Variants in ADGRL3 observed in about 807,000 individuals in gnomAD.
ADGRL3 encodes adhesion G protein-coupled receptor L3.
A neutral mutation model predicts 153.5 loss-of-function variants in ADGRL3; 62 were observed. That is an observed-to-expected ratio of 0.40 (90% CI 0.33 to 0.50). The LOEUF (loss-of-function observed/expected upper bound fraction) is 0.50, where lower values mean the gene tolerates loss of function less well. Ranked by LOEUF, ADGRL3 falls within the 20% of genes least tolerant of loss-of-function variation. The probability of loss-of-function intolerance (pLI) is 0.47; values close to 1 mark genes in which losing one functional copy is unlikely to be tolerated. For synonymous variants in ADGRL3, 710 were observed against 672.5 expected (o/e 1.06, Z -0.86); for missense variants, 1,641 against 1,859.4 (o/e 0.88, Z 2.16).
chr4:61,266,881 G>A (rs1028125336), intron 1 of ADGRL3, among the ~76,000 whole-genome samples: 2 of 151,594 alleles, frequency 1.3e-5, no homozygotes, highest in African/African-American at 4.8e-5. Context: ...TAAGGTAGTG[G>A]AGAGTTCAAA....
At chr4:61,756,494 G>A (rs1325798699) in intron 8 of ADGRL3, among the ~76,000 whole-genome samples, 1 of 152,152 alleles carries the variant, frequency 6.6e-6, no homozygotes, top group Admixed American at 6.5e-5. Context: ...TGCTGAAGTT[G>A]CCTATCAACT....
At chr4:61,834,481 A>G (rs1223423497) in intron 9 of ADGRL3, among the ~76,000 whole-genome samples, 2 of 152,200 alleles carry the variant, frequency 1.3e-5, no homozygotes, top group Non-Finnish European at 2.9e-5. Flanking sequence ...ACCCAGTAAC[A>G]GGATGGCTGG....
chr4:61,996,958 T>C (rs1473877443), intron 20 of ADGRL3, among the ~76,000 whole-genome samples: 1 of 151,904 alleles, frequency 6.6e-6, no homozygotes, highest in African/African-American at 2.4e-5. Context: ...ATTGCTTATG[T>C]ACTTATAATT....
intron 8 of ADGRL3, among the ~76,000 whole-genome samples, chr4:61,761,223 G>A (rs148451799): frequency 0.02 from 3,102 of 152,272 alleles, 71 homozygotes; most frequent in East Asian, 0.076. Flanking sequence ...TAAACTTGTG[G>A]CTAATTTGTT....
At chr4:61,766,986 G>C (rs1227780601) in intron 8 of ADGRL3, among the ~76,000 whole-genome samples, 1 of 152,042 alleles carries the variant, frequency 6.6e-6, no homozygotes, top group East Asian at 1.9e-4. Context: ...AGGCCATGCT[G>C]TAGCAGGCGA....
intron 25 of ADGRL3, among the ~76,000 whole-genome samples, chr4:62,056,373 A>T (rs901440844): frequency 6.6e-6 from 1 of 151,928 alleles, no homozygotes; most frequent in African/African-American, 2.4e-5. Context: ...TTATTCCTTT[A>T]TACCAGTTTT....
chr4:61,358,885 A>G (rs569301315), intron 1 of ADGRL3, among the ~76,000 whole-genome samples: 12 of 152,250 alleles, frequency 7.9e-5, no homozygotes, highest in African/African-American at 2.4e-4. Flanking sequence ...TCTAGCCCAA[A>G]TGTTCCACTC....
chr4:61,516,122 T>C (rs975485153), intron 3 of ADGRL3, among the ~76,000 whole-genome samples: 1 of 152,138 alleles, frequency 6.6e-6, no homozygotes. Context: ...ACATATTTCT[T>C]AATATGATTT....
chr4:61,514,198 A>G (rs1262283933), intron 3 of ADGRL3, among the ~76,000 whole-genome samples: 1 of 152,166 alleles, frequency 6.6e-6, no homozygotes, highest in Non-Finnish European at 1.5e-5. Flanking sequence ...TCCTTGACCT[A>G]AGGAAACTAG....
chr4:61,397,767 A>G (rs561348700), intron 2 of ADGRL3, among the ~76,000 whole-genome samples: 2 of 151,946 alleles, frequency 1.3e-5, no homozygotes, highest in East Asian at 3.9e-4. Context: ...TGCAAAGGGT[A>G]TGTTGAACCT....
intron 9 of ADGRL3, among the ~76,000 whole-genome samples, chr4:61,889,257 CAGTT>C (rs2098556312): frequency 6.6e-6 from 1 of 152,182 alleles, no homozygotes; most frequent in Non-Finnish European, 1.5e-5. Context: ...GGATAAATAG[CAGTT>C]AGTTAGCCAG....
At chr4:61,702,992 T>G (rs57384198) in intron 6 of ADGRL3, among the ~76,000 whole-genome samples, 4,119 of 152,238 alleles carry the variant, frequency 0.027, 190 homozygotes, top group African/African-American at 0.094. Flanking sequence ...GAATCTTGCT[T>G]GTGTCTTAAT....
intron 1 of ADGRL3, among the ~76,000 whole-genome samples, chr4:61,239,896 A>G (rs1394879551): frequency 6.6e-6 from 1 of 152,150 alleles, no homozygotes; most frequent in East Asian, 1.9e-4. Context: ...TAAGTTCATC[A>G]ACCTAAATGT....
chr4:61,837,279 GAC>G (rs969937578), intron 9 of ADGRL3, among the ~76,000 whole-genome samples: 1 of 152,056 alleles, frequency 6.6e-6, no homozygotes, highest in Non-Finnish European at 1.5e-5. Context: ...ACTGACAAAA[GAC>G]AGATTAACAG....
intron 8 of ADGRL3, among the ~76,000 whole-genome samples, chr4:61,754,707 G>A (rs1263939532): frequency 5.3e-5 from 8 of 152,032 alleles, no homozygotes. Flanking sequence ...CCATGTTGGT[G>A]CGCTGCACCC....
chr4:61,234,633 A>G (rs1423568037), intron 1 of ADGRL3, among the ~76,000 whole-genome samples: 1 of 152,188 alleles, frequency 6.6e-6, no homozygotes, highest in African/African-American at 2.4e-5. Flanking sequence ...ATAGTCAGTG[A>G]GCCTGGAGGG....
intron 2 of ADGRL3, among the ~76,000 whole-genome samples, chr4:61,487,260 A>G (rs933197730): frequency 6.6e-6 from 1 of 152,144 alleles, no homozygotes; most frequent in African/African-American, 2.4e-5. Flanking sequence ...ACTTTTAACT[A>G]TGTGGCCTCA....
intron 2 of ADGRL3, among the ~76,000 whole-genome samples, chr4:61,455,698 G>T (rs1416737468): frequency 2.0e-5 from 3 of 151,852 alleles, no homozygotes. Flanking sequence ...AATATTTATA[G>T]ATGTAATAAA....
chr4:61,217,202 T>C (rs1294142893), intron 1 of ADGRL3, among the ~76,000 whole-genome samples: 4 of 152,178 alleles, frequency 2.6e-5, no homozygotes, highest in Admixed American at 2.0e-4. Context: ...TAATTAGTTA[T>C]AGTTAAAATT....
Sources: allele counts gnomAD v4.1 joint callset (sites outside exome capture counted in the v4.1 genomes callset), GRCh38; gene constraint gnomAD v4.1.1; transcripts MANE v1.5; gene names NCBI Gene and HGNC (gene_info 2026-07-23, HGNC 2026-07-21).